The following SYNE2 variants were observed in gnomAD, a reference collection of about 807,000 sequenced individuals.
SYNE2 encodes nesprin-2.
Under a neutral mutation model 856.3 loss-of-function variants are expected in SYNE2, and 431 were observed. That is an observed-to-expected ratio of 0.50 (90% CI 0.47 to 0.55). The LOEUF is 0.55. SYNE2 is among the 20% of genes least tolerant of loss of function. SYNE2 has a pLI of 0.00. For synonymous variants in SYNE2, 2,923 were observed against 2,872.3 expected, an observed-to-expected ratio of 1.02 and a Z score of -0.56; for missense variants, 8,129 against 8,023.2, an observed-to-expected ratio of 1.01 and a Z score of -0.50.
chr14:63,815,139 TATATATACAC>T, intron 1 of SYNE2, among the ~76,000 whole-genome samples: 1 of 131,056 alleles, frequency 7.6e-6, no homozygotes, highest in Non-Finnish European at 1.6e-5. Context: ...TATATATCCA[TATATATACAC>T]ATATATATCC....
At chr14:64,120,534 C>T (rs2097890209) in intron 67 of SYNE2, among the ~76,000 whole-genome samples, 1 of 152,030 alleles carries the variant, frequency 6.6e-6, no homozygotes, top group Non-Finnish European at 1.5e-5. Flanking sequence ...GAGGCTGAGG[C>T]AGGCAGATCA....
chr14:64,141,209 G>GAT, intron 80 of SYNE2, 132 bp from the exon 81 acceptor site: 1 of 652,934 alleles, frequency 1.5e-6, no homozygotes, highest in Non-Finnish European at 2.6e-6. Flanking sequence ...AGGAAAAAGG[G>GAT]GTGTGTGTGT....
chr14:63,956,893 TCAC>T (rs1402216346), intron 8 of SYNE2, among the ~76,000 whole-genome samples: 1 of 152,156 alleles, frequency 6.6e-6, no homozygotes, highest in African/African-American at 2.4e-5. Flanking sequence ...TGTTCACTCA[TCAC>T]CACAGTTCAT....
intron 10 of SYNE2, among the ~76,000 whole-genome samples, chr14:63,965,988 T>G (rs187744019): frequency 6.6e-6 from 1 of 152,344 alleles, no homozygotes. Context: ...TCATTAATTA[T>G]CAGAATTAAA....
intron 45 of SYNE2, among the ~76,000 whole-genome samples, chr14:64,032,219 A>G (rs1022636184): frequency 2.0e-5 from 3 of 152,230 alleles, no homozygotes; most frequent in Non-Finnish European, 4.4e-5. Flanking sequence ...TGAAATGCCT[A>G]TGGAGCATCT....
chr14:64,106,580 C>G (rs186555255), intron 64 of SYNE2, among the ~76,000 whole-genome samples: 1 of 152,078 alleles, frequency 6.6e-6, no homozygotes, highest in Non-Finnish European at 1.5e-5. Flanking sequence ...ACCCAGGAGG[C>G]GGAGCTTGTG....
At chr14:63,904,881 C>A (rs999390509) in intron 1 of SYNE2, among the ~76,000 whole-genome samples, 1 of 152,014 alleles carries the variant, frequency 6.6e-6, no homozygotes, top group African/African-American at 2.4e-5. Flanking sequence ...TTCTTTGTCA[C>A]GGCTTATGTT....
intron 96 of SYNE2, among the ~76,000 whole-genome samples, chr14:64,182,586 T>C (rs2098463733): frequency 6.6e-6 from 1 of 152,112 alleles, no homozygotes; most frequent in African/African-American, 2.4e-5. Context: ...GGAGTGGTGA[T>C]GACTCTTAAC....
At chr14:63,976,805 AAAG>A in intron 12 of SYNE2, 78 bp downstream of exon 12, 1 of 1,480,478 alleles carries the variant, frequency 6.8e-7, no homozygotes, top group East Asian at 2.3e-5. Flanking sequence ...TTTGTCCTAA[AAAG>A]AAGAGAAGGA....
intron 2 of SYNE2, among the ~76,000 whole-genome samples, chr14:63,934,758 T>G (rs12889259): frequency 0.092 from 14,023 of 152,166 alleles, 697 homozygotes; most frequent in South Asian, 0.17. Flanking sequence ...TATTGCTGAT[T>G]AGTTTCTTTT....
chr14:63,942,318 G>T (rs745704899), intron 6 of SYNE2, among the ~76,000 whole-genome samples, 175 bp downstream of exon 6: 111 of 151,998 alleles, frequency 7.3e-4, no homozygotes, highest in Non-Finnish European at 1.4e-3. Flanking sequence ...TCTGTTATTG[G>T]TTTTTTTCTC....
chr14:64,095,771 G>T (rs1351271067), intron 61 of SYNE2, among the ~76,000 whole-genome samples: 1 of 152,068 alleles, frequency 6.6e-6, no homozygotes, highest in Admixed American at 6.6e-5. Context: ...TACTGCTGTG[G>T]TTTGAATGTT....
At chr14:64,005,329 G>A (rs1488617736) in intron 30 of SYNE2, among the ~76,000 whole-genome samples, 2 of 152,210 alleles carry the variant, frequency 1.3e-5, no homozygotes, top group African/African-American at 4.8e-5. Context: ...CCCTGGTAGG[G>A]ATGAAGCTGG....
chr14:63,865,723 C>CCT (rs1895083179), intron 1 of SYNE2, among the ~76,000 whole-genome samples: 1 of 99,828 alleles, frequency 1.0e-5, no homozygotes, highest in Non-Finnish European at 2.0e-5. Context: ...CACCCCCCCC[C>CCT]CAAAAAAAAA....
In SYNE2 at chr14:64,125,108, C is replaced by G. The variant is rs138084733; in HGVS notation, c.13452C>G (p.Ser4484Arg). 2.5e-6 allele frequency: 4 copies of G among 1,614,098 alleles called. No homozygotes were observed. Among genetic ancestry groups the G allele is most frequent in the Non-Finnish European group, 3.4e-6 (4 of 1,179,988 alleles). The change falls in exon 71 of 116, where the codon AGC (serine) becomes AGG (arginine). Residue 4484 changes from serine (S) to arginine (R), a missense_variant. This residue lies in a region of SYNE2 where 5,410 missense variants were observed against 5,284.8 expected (regional missense o/e 1.02). Transcript: ENST00000555002. ...QVSTNMGILP[S>R]VTMYNFRYPT... ...CCACAAATATGGGTATTCTACCCAGCGTGACTATGTATAACTTTAGATACC... is the reference window on the plus strand; with the variant it reads ...CCACAAATATGGGTATTCTACCCAGGGTGACTATGTATAACTTTAGATACC...
chr14:64,013,325 T>A (rs2096862667), intron 32 of SYNE2, among the ~76,000 whole-genome samples: 1 of 3,546 alleles, frequency 2.8e-4, no homozygotes, highest in Non-Finnish European at 2.2e-3. Context: ...CTCATTAAAT[T>A]TTTTTTTTTT....
chr14:63,770,002 C>A (rs1355386366), intron 1 of SYNE2, among the ~76,000 whole-genome samples: 1 of 152,038 alleles, frequency 6.6e-6, no homozygotes, highest in Non-Finnish European at 1.5e-5. Flanking sequence ...GCAGCCTTGA[C>A]CTCCGCGGAC....
rs34947861 is a variant in SYNE2, at chr14:63,841,832, CT to C, written c.-304-10651del. ...CATTTTTCTTTTTCTTTCTTTCTTT[CT>C]TTTTTTTTTTTTTTTTTGAGACATT... On this transcript the variant is annotated intron_variant, in intron 1 of 23. Transcript: ENST00000674003. 8.9e-4 allele frequency among the ~76,000 whole-genome samples: 102 copies of C among 115,050 alleles called. No individual in the cohort carries two copies. In the South Asian group the frequency reaches 0.013, roughly 15 times the overall value. 75.5% of individuals were successfully genotyped at this position (115,050 alleles called of 152,430 possible). A position where few individuals can be genotyped will look rare whatever the true frequency, so the allele number is the denominator to read the frequency against.
At chr14:64,124,840 T>A (rs1202022961) in intron 70 of SYNE2, among the ~76,000 whole-genome samples, 1 of 152,012 alleles carries the variant, frequency 6.6e-6, no homozygotes, top group Non-Finnish European at 1.5e-5. Context: ...CCGTCGCTAC[T>A]AAAAATACAA....
Sources: gnomAD v4.1 joint callset for allele counts (sites outside exome capture counted in the v4.1 genomes callset) on GRCh38, gnomAD v4.1.1 for gene constraint, gnomAD v4.1.1 regional missense constraint, MANE v1.5 for transcripts, NCBI Gene and HGNC (gene_info 2026-07-23, HGNC 2026-07-21) for gene names.